SPECC1: variants seen among roughly 807,000 people sequenced by gnomAD.
SPECC1 encodes cytospin-B.
In SPECC1, 62 loss-of-function variants were observed where a neutral mutation model predicts 104.1. That is an observed-to-expected ratio of 0.60 (90% CI 0.49 to 0.74). SPECC1 has a LOEUF of 0.74. Ranked by LOEUF, SPECC1 falls within the 30% of genes least tolerant of loss-of-function variation. The pLI is 0.00. For missense variants in SPECC1, 1,306 were observed against 1,310.5 expected (o/e 1.00, Z 0.05); for synonymous variants, 513 against 501.6 (o/e 1.02, Z -0.30).
rs747414391 is a variant in SPECC1 at position 20,298,978 on chromosome 17, G to GTGTGTGTGTGTGTGTGT, written c.3057+1901_3057+1902insTGTGTGTGTGTGTGTGT. 7.6e-3 allele frequency among the ~76,000 whole-genome samples: 224 copies of GTGTGTGTGTGTGTGTGT among 29,414 alleles called. 6 individuals are homozygous for GTGTGTGTGTGTGTGTGT. Among genetic ancestry groups the GTGTGTGTGTGTGTGTGT allele is most frequent in the African/African-American group, 0.038 (199 of 5,210 alleles). The allele number at this position is 29,414 out of a possible 152,430, so 19.3% of individuals were successfully genotyped here. ...GTGTGTGTGTGTGTGTGTGTATGTAGAGAGAGAGAGAGAGAGAGGTGGGGG... is the reference window on the plus strand; with the variant it reads ...GTGTGTGTGTGTGTGTGTGTATGTAGTGTGTGTGTGTGTGTGTAGAGAGAGAGAGAGAGAGGTGGGGG... On this transcript the variant is annotated intron_variant, in intron 13 of 14. Coordinates refer to ENST00000395527, the MANE Select transcript of SPECC1 (RefSeq NM_001243439.2).
intron 2 of SPECC1, among the ~76,000 whole-genome samples, chr17:20,100,213 A>G (rs2047878890): frequency 6.6e-6 from 1 of 152,080 alleles, no homozygotes; most frequent in Non-Finnish European, 1.5e-5. Context: ...GTGCAGGAAA[A>G]TGATAGGGCT....
Position 20,157,665 on chromosome 17 carries a change from G to A in SPECC1, c.284-46668G>A, listed in dbSNP as rs748185531. 2.0e-5 allele frequency among the ~76,000 whole-genome samples: 3 copies of A among 152,124 alleles called. No homozygotes were observed. In the East Asian group the frequency reaches 5.8e-4, roughly 29 times the overall value. ...TTGTTACAGCTTTTAAGACTGATTG[G>A]ATGCCTGTGTTCCAATTTTTTTAGT... On this transcript the variant is annotated intron_variant, in intron 3 of 14. Coordinates refer to ENST00000395527, the MANE Select transcript of SPECC1 (RefSeq NM_001243439.2).
At position 20,064,374 on chromosome 17, in the gene SPECC1, A is replaced by G. The variant is rs1555600183; in HGVS notation, c.-21-32257A>G. Among the ~76,000 whole-genome samples the G allele has an allele frequency of 2.0e-5, 3 of 152,206 alleles. No homozygotes were observed. In the South Asian group the frequency reaches 6.2e-4, roughly 31 times the overall value. On this transcript the variant is annotated intron_variant, in intron 1 of 14. Coordinates refer to ENST00000395527, the MANE Select transcript of SPECC1 (RefSeq NM_001243439.2). ...CTCTGGGACTCTTGTTCTTTCCCCA[A>G]ATTAGTTTAACATCTGCTTTGGAAT...
rs2033130816 is a variant in SPECC1 at position 20,161,398 on chromosome 17, C to CA, written c.284-42934dup. Among the ~76,000 whole-genome samples the CA allele has an allele frequency of 2.6e-5, 4 of 152,284 alleles. No individual in the cohort carries two copies. In the South Asian group the frequency reaches 8.3e-4, roughly 32 times the overall value. On this transcript the variant is annotated intron_variant, in intron 3 of 14. Transcript: ENST00000395527. ...ATTCCCAGTCTGCCTCTGGACCTTT[C>CA]ACATGGCTAGAACATTTTCATTCTG... is the stretch of plus-strand genomic sequence containing the variant.
At chr17:20,025,983 C>T (rs1331782286) in intron 1 of SPECC1, among the ~76,000 whole-genome samples, 2 of 151,944 alleles carry the variant, frequency 1.3e-5, no homozygotes, top group African/African-American at 2.4e-5. Flanking sequence ...AGCATCTTTT[C>T]GTGTCTTTAT....
chr17:20,227,685 C>G (rs566056340), intron 5 of SPECC1, 65 bp downstream of exon 5: 1 of 1,468,406 alleles, frequency 6.8e-7, no homozygotes, highest in African/African-American at 1.4e-5. Context: ...GAGGCTGAGG[C>G]AGGAGGATCA....
intron 12 of SPECC1, among the ~76,000 whole-genome samples, chr17:20,266,348 C>G (rs2040217158): frequency 6.6e-6 from 1 of 152,218 alleles, no homozygotes; most frequent in South Asian, 2.1e-4. Flanking sequence ...CTTTGGGAGG[C>G]TGAGGCGGGT....
chr17:20,267,737 G>A (rs1356388028), intron 12 of SPECC1, among the ~76,000 whole-genome samples: 1 of 152,178 alleles, frequency 6.6e-6, no homozygotes, highest in East Asian at 1.9e-4. Context: ...TCCTGGCCGT[G>A]CCCAGAAATT....
intron 3 of SPECC1, among the ~76,000 whole-genome samples, chr17:20,186,286 T>C (rs1323676484): frequency 2.0e-5 from 3 of 152,248 alleles, no homozygotes; most frequent in Admixed American, 1.3e-4. Context: ...TTACACTATA[T>C]TGTAGTCTGT....
At chr17:20,102,944 A>G (rs557280407) in intron 2 of SPECC1, among the ~76,000 whole-genome samples, 4 of 152,322 alleles carry the variant, frequency 2.6e-5, no homozygotes, top group Non-Finnish European at 5.9e-5. Flanking sequence ...AACTTGTTTA[A>G]TCCTCAGAGC....
intron 7 of SPECC1, among the ~76,000 whole-genome samples, chr17:20,244,945 G>A (rs1044340754): frequency 1.3e-5 from 2 of 152,130 alleles, no homozygotes; most frequent in African/African-American, 4.8e-5. Context: ...AGAGGATTGA[G>A]GATTGGGTCA....
chr17:20,178,914 A>G (rs541903209), intron 3 of SPECC1, among the ~76,000 whole-genome samples: 2 of 152,370 alleles, frequency 1.3e-5, no homozygotes, highest in East Asian at 1.9e-4. Flanking sequence ...AATCCTGTCA[A>G]CTTCTAGGCA....
At chr17:20,181,172 A>T (rs189807462) in intron 3 of SPECC1, among the ~76,000 whole-genome samples, 1 of 152,172 alleles carries the variant, frequency 6.6e-6, no homozygotes, top group South Asian at 2.1e-4. Context: ...AACTGAATCT[A>T]TAGTCAGGAA....
At chr17:20,020,279 C>T (rs571300482) in intron 1 of SPECC1, among the ~76,000 whole-genome samples, 1 of 152,284 alleles carries the variant, frequency 6.6e-6, no homozygotes, top group South Asian at 2.1e-4. Context: ...TCTTTTCTAA[C>T]TCTAAAGGCT....
chr17:20,064,204 C>G (rs549378641), intron 1 of SPECC1, among the ~76,000 whole-genome samples: 1 of 152,260 alleles, frequency 6.6e-6, no homozygotes, highest in African/African-American at 2.4e-5. Flanking sequence ...GAGTGTGATG[C>G]TGGGACAGCC....
chr17:20,044,277 T>C (rs1413436044), intron 1 of SPECC1, among the ~76,000 whole-genome samples: 4 of 152,278 alleles, frequency 2.6e-5, no homozygotes, highest in East Asian at 3.9e-4. Context: ...TATAACAAGA[T>C]CTGAGGCTGT....
At chr17:20,097,900 C>T (rs1296603520) in intron 2 of SPECC1, among the ~76,000 whole-genome samples, 23 of 152,152 alleles carry the variant, frequency 1.5e-4, no homozygotes, top group Admixed American at 1.4e-3. Context: ...AATTTCCTGT[C>T]CTCCTACCCG....
At chr17:20,106,967 G>A (rs2048232918) in intron 2 of SPECC1, among the ~76,000 whole-genome samples, 1 of 151,494 alleles carries the variant, frequency 6.6e-6, no homozygotes, top group African/African-American at 2.4e-5. Context: ...GACCAGCCTG[G>A]GCAACATGAT....
At chr17:20,018,870 T>C (rs1468485702) in intron 1 of SPECC1, among the ~76,000 whole-genome samples, 1 of 151,988 alleles carries the variant, frequency 6.6e-6, no homozygotes, top group East Asian at 1.9e-4. Flanking sequence ...ACACCCAGGG[T>C]TTTTATTGGG....
Sources: allele counts gnomAD v4.1 joint callset (sites outside exome capture counted in the v4.1 genomes callset), GRCh38; gene constraint gnomAD v4.1.1; transcripts MANE v1.5; gene names NCBI Gene and HGNC (gene_info 2026-07-23, HGNC 2026-07-21).